Variants in CDYL observed in about 807,000 individuals in gnomAD.
CDYL encodes chromodomain Y like, also known as chromodomain Y-like protein.
CDYL carries 8 observed loss-of-function variants against 47.3 expected under a neutral mutation model. The observed-to-expected ratio is 0.17, with a 90% confidence interval of 0.10 to 0.31. The LOEUF is 0.31. Among genes scored for constraint, CDYL ranks in the 10% least tolerant of loss-of-function variants. The pLI is 1.00. For missense variants in CDYL, 471 were observed against 701.4 expected (o/e 0.67, Z 3.71); for synonymous variants, 266 against 265.0 (o/e 1.00, Z -0.04).
chr6:4,831,687 G>A (rs1441729978), intron 1 of CDYL, among the ~76,000 whole-genome samples: 2 of 152,112 alleles, frequency 1.3e-5, no homozygotes, highest in Non-Finnish European at 1.5e-5. Flanking sequence ...CCATTTTCAC[G>A]ATATTGATTC....
chr6:4,845,829 C>T (rs577934843), intron 1 of CDYL, among the ~76,000 whole-genome samples: 5 of 152,214 alleles, frequency 3.3e-5, no homozygotes, highest in South Asian at 2.1e-4. Context: ...CAGGCCATGC[C>T]GAAACAGGTG....
At chr6:4,811,227 A>T (rs1759517939) in intron 1 of CDYL, among the ~76,000 whole-genome samples, 1 of 152,214 alleles carries the variant, frequency 6.6e-6, no homozygotes, top group Non-Finnish European at 1.5e-5. Flanking sequence ...AACATAGTAG[A>T]CCATGTAAAA....
intron 1 of CDYL, among the ~76,000 whole-genome samples, chr6:4,853,338 TC>T: frequency 6.6e-6 from 1 of 152,198 alleles, no homozygotes. Context: ...ACATCAAAGT[TC>T]AGAGAGCTGA....
intron 1 of CDYL, among the ~76,000 whole-genome samples, chr6:4,787,523 T>A (rs1232471273): frequency 6.6e-6 from 1 of 152,148 alleles, no homozygotes; most frequent in African/African-American, 2.4e-5. Context: ...GTTGAAAAGA[T>A]CATGGAAATG....
rs1052579992 is a variant in CDYL at position 4,934,519 on chromosome 6, C to T, written c.692-996C>T. On this transcript the variant is annotated intron_variant, in intron 2 of 6. Coordinates refer to ENST00000397588, the MANE Select transcript of CDYL (RefSeq NM_004824.4). The stretch of plus-strand genomic sequence containing the variant: ...TTCTGATTCATAATTCTTCATGCTC[C>T]GCCCTCAGAGAACTTCTGCCATTGC... Among the ~76,000 whole-genome samples the T allele has an allele frequency of 7.9e-5, 12 of 152,148 alleles. No homozygotes were observed. The East Asian group carries it at 2.1e-3, about 27-fold the overall frequency.
chr6:4,804,064 A>T (rs1289531957), intron 1 of CDYL, among the ~76,000 whole-genome samples: 1 of 147,230 alleles, frequency 6.8e-6, no homozygotes, highest in Non-Finnish European at 1.5e-5. Context: ...TGCTCTCTTT[A>T]GGAAACCAGT....
chr6:4,758,699 T>C (rs1758117699), intron 3 of CDYL, among the ~76,000 whole-genome samples: 1 of 151,724 alleles, frequency 6.6e-6, no homozygotes, highest in East Asian at 1.9e-4. Context: ...TTCTGGAAAA[T>C]ATAAGAGGAA....
Position 4,758,761 on chromosome 6 carries a change from T to G in CDYL, c.186+23917T>G, listed in dbSNP as rs555440191. ...AAAAGTCACAATTGACACTTTAACA[T>G]AGTTCCTGCTACATATTTTTCGATG... On this transcript the variant is annotated intron_variant, in intron 3 of 8. Transcript: ENST00000328908. Among the ~76,000 whole-genome samples the G allele has an allele frequency of 4.2e-3, 638 of 152,216 alleles. 1 individual carries two copies. Among genetic ancestry groups the G allele is most frequent in the Non-Finnish European group, 6.8e-3 (465 of 68,020 alleles).
rs532050073 is a variant in CDYL, at chr6:4,892,018, C to T, written c.330C>T (p.Ser110=). The part of the protein sequence containing the change: ...VIGKDHESKN[S]QLFAASQKFR... ...GGAAAGACCACGAATCCAAAAACAG[C>T]CAGCTGTTTGCTGCCAGCCAGAAGT... Residue 110 remains serine, a synonymous_variant, in exon 2 of 7, where the codon AGC becomes AGT. Coordinates refer to ENST00000397588, the MANE Select transcript of CDYL (RefSeq NM_004824.4). 1.1e-5 allele frequency: 17 copies of T among 1,614,094 alleles called. No individual in the cohort carries two copies. Among genetic ancestry groups the T allele is most frequent in the Non-Finnish European group, 1.4e-5 (17 of 1,180,044 alleles).
rs889460049 is a variant in CDYL, at chr6:4,894,910, T to C, written c.691+2531T>C. Among the ~76,000 whole-genome samples the C allele has an allele frequency of 4.0e-4, 55 of 139,232 alleles. 1 individual carries two copies. The highest frequency in any genetic ancestry group is 7.6e-4 in the Non-Finnish European group (48 of 63,500). The allele number at this position is 139,232 out of a possible 152,430, so 91.3% of individuals were successfully genotyped here. On this transcript the variant is annotated intron_variant, in intron 2 of 6. Transcript: ENST00000397588. ...GTGTGTATATATACACACGTACGTG[T>C]GTATATATACACATATGTATGTGTG...
At chr6:4,818,498 G>T (rs1759735889) in intron 1 of CDYL, among the ~76,000 whole-genome samples, 2 of 152,094 alleles carry the variant, frequency 1.3e-5, no homozygotes, top group South Asian at 2.1e-4. Context: ...CGGACCTTGG[G>T]GGTGTTAGAA....
chr6:4,908,459 TC>T (rs1406933870), intron 2 of CDYL, among the ~76,000 whole-genome samples: 1 of 152,180 alleles, frequency 6.6e-6, no homozygotes, highest in Non-Finnish European at 1.5e-5. Context: ...TAAGGAAGTA[TC>T]TAATTTCACT....
intron 2 of CDYL, among the ~76,000 whole-genome samples, chr6:4,922,954 T>C (rs1461875150): frequency 6.6e-6 from 1 of 152,148 alleles, no homozygotes; most frequent in African/African-American, 2.4e-5. Context: ...CCTTTTATTT[T>C]TTACTATTTT....
At chr6:4,900,816 T>TATAC (rs1757021468) in intron 2 of CDYL, among the ~76,000 whole-genome samples, 1 of 91,970 alleles carries the variant, frequency 1.1e-5, no homozygotes, top group Non-Finnish European at 2.3e-5. Flanking sequence ...TATATATATA[T>TATAC]ATATATATAT....
chr6:4,868,848 T>G (rs937335227), intron 1 of CDYL, among the ~76,000 whole-genome samples: 2 of 152,200 alleles, frequency 1.3e-5, no homozygotes, highest in Non-Finnish European at 2.9e-5. Context: ...CTGAAATACT[T>G]GAAATACTGA....
chr6:4,785,923 C>T (rs543037033), intron 1 of CDYL, among the ~76,000 whole-genome samples: 296 of 152,316 alleles, frequency 1.9e-3, no homozygotes, highest in African/African-American at 6.9e-3. Flanking sequence ...GTGACAGGCT[C>T]CGTGGGGCCA....
intron 2 of CDYL, among the ~76,000 whole-genome samples, chr6:4,926,340 T>C (rs973904187): frequency 1.3e-5 from 2 of 152,238 alleles, no homozygotes; most frequent in African/African-American, 4.8e-5. Context: ...TTTTGAAATA[T>C]TAAACTCCAT....
intron 1 of CDYL, among the ~76,000 whole-genome samples, chr6:4,865,164 G>T (rs777723941): frequency 3.3e-5 from 5 of 151,998 alleles, no homozygotes; most frequent in Admixed American, 3.3e-4. Flanking sequence ...CACCTGCTCT[G>T]CCCTGAGTTA....
In CDYL at chr6:4,805,270, C is replaced by T. The variant is rs141730528; in HGVS notation, c.24+28463C>T. 1.7e-3 allele frequency among the ~76,000 whole-genome samples: 260 copies of T among 152,278 alleles called. 1 individual carries two copies. Among genetic ancestry groups the T allele is most frequent in the African/African-American group, 5.7e-3 (238 of 41,552 alleles). ...ATCTAAGTAACTTAGTAGTGAAACT[C>T]TATTCTGCTCCCCATTGGGGGAAAA... On this transcript the variant is annotated intron_variant, in intron 1 of 6. Transcript: ENST00000397588.
Sources: allele counts gnomAD v4.1 joint callset (sites outside exome capture counted in the v4.1 genomes callset), GRCh38; gene constraint gnomAD v4.1.1; transcripts MANE v1.5; gene names NCBI Gene and HGNC (gene_info 2026-07-23, HGNC 2026-07-21).